Variants in HSP90AA1 observed in about 807,000 individuals in gnomAD.
HSP90AA1 encodes heat shock protein 90 alpha family class A member 1, also known as heat shock protein HSP 90-alpha.
HSP90AA1 carries 18 observed loss-of-function variants against 73.3 expected under a neutral mutation model. The ratio of observed to expected loss-of-function variants is 0.25; its 90% CI spans 0.17 to 0.36. HSP90AA1 has a LOEUF of 0.36. HSP90AA1 is among the 10% of genes least tolerant of loss of function. The pLI is 1.00. For synonymous variants in HSP90AA1, 477 were observed against 296.9 expected (o/e 1.61, Z -6.24); for missense variants, 704 against 874.2 (o/e 0.81, Z 2.45).
At chr14:102,117,979 G>C (rs2049728331) in intron 1 of HSP90AA1, among the ~76,000 whole-genome samples, 1 of 152,214 alleles carries the variant, frequency 6.6e-6, no homozygotes, top group African/African-American at 2.4e-5. Context: ...GCCTTGTAGA[G>C]AGCCATTGCC....
intron 1 of HSP90AA1, among the ~76,000 whole-genome samples, chr14:102,128,687 A>G (rs768732112): frequency 2.6e-5 from 4 of 151,252 alleles, no homozygotes; most frequent in Non-Finnish European, 5.9e-5. Context: ...CTGTAGTACC[A>G]GCTACTCAGG....
chr14:102,129,110 T>C (rs1319789339), intron 1 of HSP90AA1, among the ~76,000 whole-genome samples: 2 of 151,434 alleles, frequency 1.3e-5, no homozygotes, highest in Non-Finnish European at 2.9e-5. Flanking sequence ...TTGAGCACTA[T>C]AGATAGAGTG....
intron 1 of HSP90AA1, among the ~76,000 whole-genome samples, chr14:102,105,206 C>CA (rs35778744): frequency 0.011 from 225 of 20,128 alleles, 13 homozygotes; most frequent in Non-Finnish European, 0.013. Flanking sequence ...GAGTCTGTCT[C>CA]AAAAAAAAAA....
At chr14:102,118,291 TA>T (rs756637267) in intron 1 of HSP90AA1, among the ~76,000 whole-genome samples, 9 of 152,238 alleles carry the variant, frequency 5.9e-5, no homozygotes, top group Non-Finnish European at 1.0e-4. Flanking sequence ...GTTTATCAGA[TA>T]AAAAACCACT....
rs546373393 is a variant in HSP90AA1 at position 102,124,038 on chromosome 14, C to G, written c.155+15212G>C. On this transcript the variant is annotated intron_variant, in intron 1 of 11. Coordinates refer to the HSP90AA1 transcript ENST00000334701. Reference sequence around the variant, plus strand: ...CTCCTCATGAACTCCTGGCCTCTGCCTCCCAAAATGCTGGGATTACAGGCG... The same window carrying G: ...CTCCTCATGAACTCCTGGCCTCTGCGTCCCAAAATGCTGGGATTACAGGCG... Among the ~76,000 whole-genome samples the G allele has an allele frequency of 3.3e-3, 497 of 152,236 alleles. 4 individuals are homozygous for G. The highest frequency in any genetic ancestry group is 0.012 in the African/African-American group (481 of 41,532).
chr14:102,139,702 G>C (rs763907807), upstream of HSP90AA1: 1 of 701,150 alleles, frequency 1.4e-6, no homozygotes, highest in Non-Finnish European at 2.3e-6. Context: ...AGGAGCCTGC[G>C]GACGCCCAGT....
chr14:102,139,160 G>C, intron 1 of HSP90AA1: 10 of 1,474,930 alleles, frequency 6.8e-6, no homozygotes, highest in Non-Finnish European at 9.4e-6. Context: ...TATCTGGCTT[G>C]AGAACACCTA....
rs1441585907 is a variant in HSP90AA1, at chr14:102,101,922, GC to G, written c.318del (p.Gln107AsnfsTer16). On this transcript the variant is annotated frameshift_variant, in exon 2 of 12. Transcript: ENST00000334701. LOFTEE classifies it high-confidence loss of function. ...GGCTGCAGATCCTTGTAGAGGTGTT[GC>G]CCTGCACCTTGGCTCTGTCTGAAGG... 6.2e-7 allele frequency: 1 copy of G among 1,614,054 alleles called. No individual in the cohort carries two copies. The highest frequency in any genetic ancestry group is 1.3e-5 in the African/African-American group (1 of 74,944).
intron 3 of HSP90AA1, 80 bp downstream of exon 3, chr14:102,085,678 A>G: frequency 1.3e-6 from 2 of 1,591,400 alleles, no homozygotes; most frequent in Non-Finnish European, 1.7e-6. Context: ...TGTAAGCTTC[A>G]CCGCATCCCC....
upstream of HSP90AA1, among the ~76,000 whole-genome samples, chr14:102,088,909 T>TTTC (rs200193929): frequency 1.7e-4 from 9 of 51,544 alleles, no homozygotes; most frequent in Non-Finnish European, 5.3e-4. Context: ...TTTCTTTTCT[T>TTTC]TTTTTTTTTT....
intron 1 of HSP90AA1, among the ~76,000 whole-genome samples, chr14:102,122,181 C>A (rs1202401703): frequency 2.0e-5 from 3 of 151,954 alleles, no homozygotes; most frequent in Non-Finnish European, 4.4e-5. Context: ...TGTTCCAATA[C>A]CTCTTCTTAA....
chr14:102,133,507 G>A (rs2049935533), intron 1 of HSP90AA1, among the ~76,000 whole-genome samples: 1 of 145,578 alleles, frequency 6.9e-6, no homozygotes, highest in Non-Finnish European at 1.5e-5. Flanking sequence ...TTTTGAGATG[G>A]AGTTTCACTC....
chr14:102,138,287 G>A (rs1258899478), intron 1 of HSP90AA1, among the ~76,000 whole-genome samples: 1 of 151,870 alleles, frequency 6.6e-6, no homozygotes, highest in Non-Finnish European at 1.5e-5. Context: ...ATTTTTAGAT[G>A]ATTCAAGATG....
chr14:102,110,861 G>A (rs749071628), intron 1 of HSP90AA1, among the ~76,000 whole-genome samples: 6 of 151,964 alleles, frequency 3.9e-5, no homozygotes, highest in East Asian at 3.9e-4. Context: ...GATTACAGGC[G>A]TGAGCCACTG....
At chr14:102,094,831 C>T (rs994568018) in intron 2 of HSP90AA1, among the ~76,000 whole-genome samples, 6 of 152,074 alleles carry the variant, frequency 3.9e-5, no homozygotes, top group African/African-American at 1.4e-4. Flanking sequence ...CAGTCTGACC[C>T]GCATCCACTC....
intron 2 of HSP90AA1, among the ~76,000 whole-genome samples, chr14:102,097,857 A>T (rs1320790124): frequency 6.6e-6 from 1 of 152,134 alleles, no homozygotes. Context: ...ACTTCCTTAT[A>T]GACTCTTGGG....
chr14:102,081,961 C>T, intron 10 of HSP90AA1, 140 bp from the exon 11 acceptor site: 1 of 764,488 alleles, frequency 1.3e-6, no homozygotes, highest in Non-Finnish European at 2.3e-6. Context: ...TCTTGTAAGA[C>T]CTTACTTATC....
intron 1 of HSP90AA1, among the ~76,000 whole-genome samples, chr14:102,113,023 T>A (rs2049660808): frequency 6.6e-6 from 1 of 152,078 alleles, no homozygotes; most frequent in Non-Finnish European, 1.5e-5. Flanking sequence ...TTTGTTTGTA[T>A]TTATTTATTT....
At chr14:102,094,692 G>A (rs2049401577) in intron 2 of HSP90AA1, among the ~76,000 whole-genome samples, 1 of 152,222 alleles carries the variant, frequency 6.6e-6, no homozygotes, top group Non-Finnish European at 1.5e-5. Flanking sequence ...CAGTGGGTAG[G>A]GGGACACGGA....
Sources: allele counts gnomAD v4.1 joint callset (sites outside exome capture counted in the v4.1 genomes callset), GRCh38; gene constraint gnomAD v4.1.1; transcripts MANE v1.5; gene names NCBI Gene and HGNC (gene_info 2026-07-23, HGNC 2026-07-21).